Variants in CDKAL1 observed in about 807,000 individuals in gnomAD.
CDKAL1 encodes threonylcarbamoyladenosine tRNA methylthiotransferase.
In CDKAL1, 32 loss-of-function variants were observed where a neutral mutation model predicts 68.2. That is an observed-to-expected ratio of 0.47 (90% confidence interval 0.35 to 0.63). The LOEUF (loss-of-function observed/expected upper bound fraction) is 0.63, where lower values mean the gene tolerates loss of function less well. Ranked by LOEUF, CDKAL1 falls within the 30% of genes least tolerant of loss-of-function variation. The pLI is 0.00. For synonymous variants in CDKAL1, 234 were observed against 244.3 expected (o/e 0.96, Z 0.39); for missense variants, 606 against 696.7 (o/e 0.87, Z 1.47).
rs146941257 is a variant in CDKAL1, at chr6:21,182,612, G to A, written c.1300-15409G>A. 2.5e-3 allele frequency among the ~76,000 whole-genome samples: 377 copies of A among 152,264 alleles called. 1 individual carries two copies. Among genetic ancestry groups the A allele is most frequent in the Non-Finnish European group, 3.0e-3 (203 of 68,016 alleles). On this transcript the variant is annotated intron_variant, in intron 13 of 15. Coordinates refer to ENST00000274695, the MANE Select transcript of CDKAL1 (RefSeq NM_017774.3). ...AGAATTGTTTATTATTATGATTCTGGTATGTTAATGAAGGGGTACTCATTT... is the reference window on the plus strand; with the variant it reads ...AGAATTGTTTATTATTATGATTCTGATATGTTAATGAAGGGGTACTCATTT...
chr6:21,116,880 C>A (rs931847555), intron 13 of CDKAL1, among the ~76,000 whole-genome samples: 7 of 152,202 alleles, frequency 4.6e-5, no homozygotes, highest in South Asian at 2.1e-4. Flanking sequence ...TATACTTCCT[C>A]TATGAAATTC....
At chr6:20,845,144 A>G (rs569122425) in intron 8 of CDKAL1, among the ~76,000 whole-genome samples, 7 of 152,330 alleles carry the variant, frequency 4.6e-5, no homozygotes, top group Admixed American at 2.6e-4. Flanking sequence ...TTCAATTGTT[A>G]AAAGTACAAT....
chr6:20,952,314 T>G (rs374311137), intron 9 of CDKAL1, among the ~76,000 whole-genome samples: 4 of 152,090 alleles, frequency 2.6e-5, no homozygotes, highest in African/African-American at 9.7e-5. Context: ...AAATTCCAAG[T>G]TATAGTGCAG....
At chr6:21,157,450 C>T (rs900113520) in intron 13 of CDKAL1, among the ~76,000 whole-genome samples, 6 of 152,092 alleles carry the variant, frequency 3.9e-5, no homozygotes, top group African/African-American at 9.7e-5. Context: ...AAACAAAAAA[C>T]GAAAGATTGT....
chr6:20,615,132 G>A (rs1356976336), intron 4 of CDKAL1, among the ~76,000 whole-genome samples: 1 of 79,638 alleles, frequency 1.3e-5, no homozygotes. Flanking sequence ...TGGCTGCATA[G>A]TATTCCATGG....
At chr6:20,938,766 C>CT (rs199820572) in intron 9 of CDKAL1, among the ~76,000 whole-genome samples, 3 of 151,056 alleles carry the variant, frequency 2.0e-5, no homozygotes, top group African/African-American at 2.4e-5. Context: ...TTTTTACAAC[C>CT]TTTTTTTTTC....
intron 5 of CDKAL1, among the ~76,000 whole-genome samples, chr6:20,657,367 G>A (rs1457150557): frequency 6.6e-6 from 1 of 152,192 alleles, no homozygotes; most frequent in Non-Finnish European, 1.5e-5. Flanking sequence ...ATTTACAGCA[G>A]TGGGGTGGGA....
intron 7 of CDKAL1, 135 bp from the exon 8 acceptor site, chr6:20,781,010 A>G (rs888606207): frequency 1.1e-5 from 9 of 828,794 alleles, no homozygotes; most frequent in Non-Finnish European, 1.5e-5. Context: ...TGAAGTTTAA[A>G]TGATCACACT....
chr6:21,168,229 G>C (rs1334847726), intron 13 of CDKAL1, among the ~76,000 whole-genome samples: 1 of 152,142 alleles, frequency 6.6e-6, no homozygotes, highest in East Asian at 1.9e-4. Context: ...ACACCGTTGT[G>C]CCCAGCCTTC....
At chr6:20,734,674 G>GATT (rs1213434473) in intron 5 of CDKAL1, among the ~76,000 whole-genome samples, 2 of 152,120 alleles carry the variant, frequency 1.3e-5, no homozygotes, top group Non-Finnish European at 2.9e-5. Flanking sequence ...TTTCGGCTTA[G>GATT]ATTATAGTTC....
rs79963691 is a variant in CDKAL1 at position 20,744,358 on chromosome 6, A to G, written c.468+4743A>G. On this transcript the variant is annotated intron_variant, in intron 6 of 15. Coordinates refer to ENST00000274695, the MANE Select transcript of CDKAL1 (RefSeq NM_017774.3). Reference sequence around the variant, plus strand: ...CTTCAAATCCTAGACCCACCATATCATTATTTATTTGGTTCAGCAAGTACT... The same window carrying G: ...CTTCAAATCCTAGACCCACCATATCGTTATTTATTTGGTTCAGCAAGTACT... Among the ~76,000 whole-genome samples, 891 of 152,178 alleles carry G rather than the reference A, an allele frequency of 5.9e-3. 11 individuals carry two copies. Among genetic ancestry groups the G allele is most frequent in the African/African-American group, 0.02 (821 of 41,516 alleles).
At chr6:20,636,610 G>A (rs1241714226) in intron 4 of CDKAL1, among the ~76,000 whole-genome samples, 1 of 152,160 alleles carries the variant, frequency 6.6e-6, no homozygotes, top group Admixed American at 6.6e-5. Context: ...GGATGGATGG[G>A]ATCATCTAGT....
chr6:20,783,685 C>T (rs528249667), intron 8 of CDKAL1, among the ~76,000 whole-genome samples: 10 of 152,264 alleles, frequency 6.6e-5, no homozygotes, highest in East Asian at 3.9e-4. Flanking sequence ...AATTTGTGTC[C>T]ACAACATTCC....
chr6:20,860,921 G>A (rs16901585), intron 9 of CDKAL1, among the ~76,000 whole-genome samples: 38,324 of 145,198 alleles, frequency 0.26, 5,540 homozygotes, highest in African/African-American at 0.39. Flanking sequence ...AACATTCTGC[G>A]TAGTGTGGTC....
intron 6 of CDKAL1, among the ~76,000 whole-genome samples, chr6:20,752,433 A>T (rs1338273046): frequency 6.6e-6 from 1 of 152,120 alleles, no homozygotes; most frequent in Non-Finnish European, 1.5e-5. Flanking sequence ...ATTCTGTGTG[A>T]CCATCAGGGT....
intron 9 of CDKAL1, among the ~76,000 whole-genome samples, chr6:20,946,307 TTA>T (rs1764233929): frequency 6.6e-6 from 1 of 152,218 alleles, no homozygotes; most frequent in African/African-American, 2.4e-5. Context: ...GTCTTTGCAC[TTA>T]TATTCCCTCT....
intron 11 of CDKAL1, among the ~76,000 whole-genome samples, chr6:21,010,132 AT>A (rs1210198069): frequency 6.6e-6 from 1 of 152,222 alleles, no homozygotes; most frequent in Admixed American, 6.5e-5. Flanking sequence ...TTACGTATCA[AT>A]TTTTTACGTA....
chr6:21,181,126 C>A lies in CDKAL1; in HGVS notation c.1300-16895C>A, dbSNP rs368783909. 1.1e-4 allele frequency among the ~76,000 whole-genome samples: 16 copies of A among 152,228 alleles called. No homozygotes were observed. The East Asian group carries it at 3.1e-3, about 29-fold the overall frequency. ...GAGAGAGCTGAGAAAGCCACACTCA[C>A]CTTTATAAAAACCCACTGTCGAGAT... On this transcript the variant is annotated intron_variant, in intron 13 of 15. Transcript: ENST00000274695.
intron 10 of CDKAL1, among the ~76,000 whole-genome samples, chr6:20,987,455 A>G (rs1167560934): frequency 6.6e-6 from 1 of 152,070 alleles, no homozygotes; most frequent in Non-Finnish European, 1.5e-5. Flanking sequence ...GGGTTTTACC[A>G]TGTTGGCCAG....
Sources: gnomAD v4.1 joint callset for allele counts (sites outside exome capture counted in the v4.1 genomes callset) on GRCh38, gnomAD v4.1.1 for gene constraint, MANE v1.5 for transcripts, NCBI Gene and HGNC (gene_info 2026-07-23, HGNC 2026-07-21) for gene names.